Variants in LINGO2 observed in about 807,000 individuals in gnomAD.
LINGO2 encodes leucine-rich repeat and immunoglobulin-like domain-containing nogo receptor-interacting protein 2.
In LINGO2, 14 loss-of-function variants were observed where a neutral mutation model predicts 30.6. That is an observed-to-expected ratio of 0.46 (90% confidence interval 0.30 to 0.72). The LOEUF (loss-of-function observed/expected upper bound fraction) is 0.72, where lower values mean the gene tolerates loss of function less well. Among genes scored for constraint, LINGO2 ranks in the 30% least tolerant of loss-of-function variants. The probability of loss-of-function intolerance (pLI) is 0.07; values close to 1 mark genes in which losing one functional copy is unlikely to be tolerated. For synonymous variants in LINGO2, 317 were observed against 288.5 expected (o/e 1.10, Z -1.00); for missense variants, 729 against 751.7 (o/e 0.97, Z 0.35).
chr9:28,561,888 C>T (rs1049535255), intron 1 of LINGO2, among the ~76,000 whole-genome samples: 4 of 150,952 alleles, frequency 2.6e-5, no homozygotes, highest in Non-Finnish European at 5.9e-5. Flanking sequence ...GCACTGCACA[C>T]AGATCTGTGG....
chr9:29,168,689 G>A, the LINGO2 span, among the ~76,000 whole-genome samples: 1 of 152,140 alleles, frequency 6.6e-6, no homozygotes, highest in South Asian at 2.1e-4. Flanking sequence ...GAAAACAAAA[G>A]CAAATATGTA....
At chr9:28,301,427 C>T (rs13291924) in intron 3 of LINGO2, among the ~76,000 whole-genome samples, 22,767 of 150,234 alleles carry the variant, frequency 0.15, 2,228 homozygotes, top group Non-Finnish European at 0.22. Context: ...GGGGAAAAAA[C>T]AACTTCTGAA....
In LINGO2 at chr9:28,617,757, C is replaced by T. The variant is rs143346267; in HGVS notation, c.-365+52443G>A. Among the ~76,000 whole-genome samples the T allele has an allele frequency of 4.5e-3, 687 of 151,980 alleles. 1 individual carries two copies. The highest frequency in any genetic ancestry group is 9.0e-3 in the Admixed American group (138 of 15,256). ...TTTTATTTTCATAATTACAACCTTA[C>T]GTAAAACTTTGATTAGAATGAAAAA... On this transcript the variant is annotated intron_variant, in intron 1 of 5. Transcript: ENST00000379992.
rs1214029825 is a variant in LINGO2, at chr9:28,117,419, T to A, written c.-86-105014A>T. 2.9e-5 allele frequency among the ~76,000 whole-genome samples: 3 copies of A among 104,366 alleles called. No homozygotes were observed. In the South Asian group the frequency reaches 1.2e-3, roughly 41 times the overall value. 68.5% of individuals were successfully genotyped at this position (104,366 alleles called of 152,430 possible). On this transcript the variant is annotated intron_variant, in intron 4 of 5. Coordinates refer to ENST00000379992, the Ensembl canonical transcript of LINGO2. The stretch of plus-strand genomic sequence containing the variant: ...GCCTACAGAGGCAGGCAGGCCTCCT[T>A]GAGCTGTGGTGGGCTCCACCCAGTT...
chr9:28,503,689 A>C (rs536082428), intron 1 of LINGO2, among the ~76,000 whole-genome samples: 3 of 152,094 alleles, frequency 2.0e-5, no homozygotes, highest in Non-Finnish European at 2.9e-5. Flanking sequence ...TTATTCTTTG[A>C]AAAGAAACTG....
At chr9:28,200,504 A>G (rs76128373) in intron 4 of LINGO2, among the ~76,000 whole-genome samples, 1 of 125,142 alleles carries the variant, frequency 8.0e-6, no homozygotes, top group Non-Finnish European at 1.8e-5. Context: ...TCTCTTAAGG[A>G]AAAAAAAAAA....
the LINGO2 span, among the ~76,000 whole-genome samples, chr9:29,109,923 C>T: frequency 6.6e-6 from 1 of 152,152 alleles, no homozygotes. Flanking sequence ...TCATTGAAGC[C>T]TCTTCTATTC....
chr9:28,768,613 GACACAC>G, the LINGO2 span, among the ~76,000 whole-genome samples: 25,038 of 144,330 alleles, frequency 0.17, 3,285 homozygotes, highest in African/African-American at 0.37. Context: ...GACAGACTGG[GACACAC>G]ACACACACAC....
intron 1 of LINGO2, among the ~76,000 whole-genome samples, chr9:28,653,433 C>T (rs989224292): frequency 1.3e-5 from 2 of 152,152 alleles, no homozygotes; most frequent in African/African-American, 4.8e-5. Context: ...CCCAACCCAA[C>T]AATAAGGGGA....
chr9:28,344,587 T>G (rs1234137999), intron 3 of LINGO2, among the ~76,000 whole-genome samples: 1 of 152,300 alleles, frequency 6.6e-6, no homozygotes, highest in Middle Eastern at 3.4e-3. Context: ...TAGATTATTT[T>G]TATTCTTTTC....
chr9:28,157,142 A>C (rs747527584), intron 4 of LINGO2, among the ~76,000 whole-genome samples: 6 of 152,158 alleles, frequency 3.9e-5, no homozygotes, highest in Non-Finnish European at 7.4e-5. Context: ...GCCCTAGCAG[A>C]GGTTCTCCAT....
At chr9:28,275,258 A>G (rs1313080747) in intron 4 of LINGO2, among the ~76,000 whole-genome samples, 1 of 151,708 alleles carries the variant, frequency 6.6e-6, no homozygotes, top group Non-Finnish European at 1.5e-5. Flanking sequence ...TTTTTTTAGT[A>G]GAGATGGGGT....
intron 1 of LINGO2, among the ~76,000 whole-genome samples, chr9:28,504,716 A>T (rs1244568704): frequency 6.6e-6 from 1 of 151,808 alleles, no homozygotes; most frequent in East Asian, 1.9e-4. Flanking sequence ...AGATATTAAA[A>T]ATAGTCATTG....
At chr9:28,294,207 T>G (rs1189398309) in intron 4 of LINGO2, among the ~76,000 whole-genome samples, 1 of 152,208 alleles carries the variant, frequency 6.6e-6, no homozygotes, top group East Asian at 1.9e-4. Flanking sequence ...TTTATTTATA[T>G]CCAAATAATT....
intron 5 of LINGO2, among the ~76,000 whole-genome samples, chr9:27,981,577 AAAAG>A (rs1820877457): frequency 2.0e-5 from 3 of 148,692 alleles, no homozygotes; most frequent in Non-Finnish European, 3.0e-5. Context: ...AAAGAAAAAA[AAAAG>A]AAAAAAAATT....
chr9:29,207,029 G>A, the LINGO2 span, among the ~76,000 whole-genome samples: 2 of 151,804 alleles, frequency 1.3e-5, no homozygotes, highest in Non-Finnish European at 2.9e-5. Context: ...GTGTGTGTGT[G>A]TGTATGTGTA....
At chr9:28,193,947 G>A (rs1249498698) in intron 4 of LINGO2, among the ~76,000 whole-genome samples, 2 of 152,156 alleles carry the variant, frequency 1.3e-5, no homozygotes, top group Non-Finnish European at 2.9e-5. Flanking sequence ...CAGCTGATTT[G>A]CCCCAGAGTG....
chr9:29,046,161 G>A, the LINGO2 span, among the ~76,000 whole-genome samples: 1 of 152,092 alleles, frequency 6.6e-6, no homozygotes, highest in Non-Finnish European at 1.5e-5. Context: ...AGGACTTCCA[G>A]TACTAGGTTG....
intron 5 of LINGO2, among the ~76,000 whole-genome samples, chr9:27,958,221 A>G (rs1819673029): frequency 6.6e-6 from 1 of 152,196 alleles, no homozygotes; most frequent in Non-Finnish European, 1.5e-5. Flanking sequence ...GTTTTTCTCC[A>G]TTATTCTTTT....
Sources: allele counts gnomAD v4.1 joint callset (sites outside exome capture counted in the v4.1 genomes callset), GRCh38; gene constraint gnomAD v4.1.1; transcripts MANE v1.5; gene names NCBI Gene and HGNC (gene_info 2026-07-23, HGNC 2026-07-21).